PGD: variants seen among roughly 807,000 people sequenced by gnomAD.
PGD encodes 6-phosphogluconate dehydrogenase, decarboxylating.
Under a neutral mutation model 60.4 loss-of-function variants are expected in PGD, and 21 were observed. The observed-to-expected ratio is 0.35, with a 90% CI of 0.25 to 0.50. The LOEUF (loss-of-function observed/expected upper bound fraction) is 0.50. PGD is among the 20% of genes least tolerant of loss of function. PGD has a pLI of 0.98. For synonymous variants in PGD, 230 were observed against 235.9 expected, an observed-to-expected ratio of 0.97 and a Z score of 0.23; for missense variants, 477 against 613.1, an observed-to-expected ratio of 0.78 and a Z score of 2.34.
chr1:10,418,992 T>C, intron 11 of PGD, 67 bp downstream of exon 11: 1 of 932,566 alleles, frequency 1.1e-6, no homozygotes. Flanking sequence ...TGATGTTTGG[T>C]TTTTTGTTTT....
intron 8 of PGD, among the ~76,000 whole-genome samples, chr1:10,413,476 A>G (rs1467845534): frequency 6.6e-6 from 1 of 152,240 alleles, no homozygotes; most frequent in Non-Finnish European, 1.5e-5. Context: ...ACTGTGAGGT[A>G]AATTCAGAAG....
chr1:10,419,380 C>A (rs1639650152), intron 11 of PGD, 37 bp from the exon 12 acceptor site: 3 of 1,599,086 alleles, frequency 1.9e-6, no homozygotes, highest in Non-Finnish European at 2.6e-6. Context: ...TCACCAGGGG[C>A]AGATCACTAA....
intron 3 of PGD, among the ~76,000 whole-genome samples, chr1:10,401,022 T>C (rs977826446): frequency 2.6e-5 from 4 of 152,194 alleles, no homozygotes; most frequent in Non-Finnish European, 5.9e-5. Context: ...CTGGCCAACA[T>C]GGTGAAACCC....
chr1:10,412,914 T>C, intron 7 of PGD, 148 bp from the exon 8 acceptor site: 2 of 630,186 alleles, frequency 3.2e-6, no homozygotes, highest in Non-Finnish European at 5.6e-6. Context: ...AGCATAAAAC[T>C]CAACCAGCAG....
chr1:10,411,424 G>A lies in PGD; in HGVS notation c.526G>A (p.Asp176Asn), dbSNP rs753095136. ...TGEPCCDWVG[D>N]EGAGHFVKMV... ...GTGCTTGTTGTCCTGACAGGTGGGA[G>A]ATGAGGGAGCAGGCCACTTCGTGAA... is the stretch of plus-strand genomic sequence containing the variant. The change falls in exon 7 of 13, where the codon GAT (aspartate) becomes AAT (asparagine). Residue 176 changes from aspartate to asparagine, a missense_variant. By Grantham distance (23) the Asp-to-Asn change is conservative. Coordinates refer to ENST00000270776, the MANE Select transcript of PGD (RefSeq NM_002631.4). 1 of 1,613,392 alleles carries A rather than the reference G, an allele frequency of 6.2e-7. No homozygotes were observed. The highest frequency in any genetic ancestry group is 8.5e-7 in the Non-Finnish European group (1 of 1,179,990).
chr1:10,403,041 G>A (rs1021715473), intron 3 of PGD, 30 bp from the exon 4 acceptor site: 54 of 1,436,248 alleles, frequency 3.8e-5, no homozygotes, highest in Non-Finnish European at 4.8e-5. Flanking sequence ...TTCATTTTTG[G>A]TCCATCTTAA....
chr1:10,418,395 G>A (rs1360173421), intron 10 of PGD, among the ~76,000 whole-genome samples: 1 of 152,184 alleles, frequency 6.6e-6, no homozygotes, highest in South Asian at 2.1e-4. Context: ...ACAGGAAAAG[G>A]GTTAACAGCT....
At position 10,411,524 on chromosome 1, in the gene PGD, T is replaced by G. The variant is rs1192044285; in HGVS notation, c.626T>G (p.Leu209Arg). 1 of 1,614,008 alleles carries G rather than the reference T, an allele frequency of 6.2e-7. No individual in the cohort carries two copies. The highest frequency in any genetic ancestry group is 1.3e-5 in the African/African-American group (1 of 74,904). ...GCATACCACCTGATGAAAGACGTGC[T>G]GGGCATGGCGCAGGACGAGATGGCC... ...CEAYHLMKDV[L>R]GMAQDEMAQA... Residue 209 changes from leucine (L) to arginine (R), a missense_variant, in exon 7 of 13, where the codon CTG (leucine) becomes CGG (arginine). Physicochemically the swap from Leu to Arg is moderately radical, Grantham distance 102 (BLOSUM62 -2). Coordinates refer to ENST00000270776, the MANE Select transcript of PGD (RefSeq NM_002631.4).
chr1:10,405,062 C>T (rs1639377431), intron 5 of PGD, among the ~76,000 whole-genome samples: 1 of 152,092 alleles, frequency 6.6e-6, no homozygotes, highest in African/African-American at 2.4e-5. Context: ...AAAAGTAAAA[C>T]AAACATTTTT....
intron 10 of PGD, among the ~76,000 whole-genome samples, chr1:10,418,322 C>T (rs933992390): frequency 6.6e-6 from 1 of 152,070 alleles, no homozygotes; most frequent in Non-Finnish European, 1.5e-5. Context: ...TTTCTTCAGC[C>T]TCAAAAAGCG....
At chr1:10,408,017 G>A in intron 5 of PGD, 54 bp from the exon 6 acceptor site, 1 of 1,013,712 alleles carries the variant, frequency 9.9e-7, no homozygotes. Context: ...CTATGGGTAT[G>A]GGCTCTCAGC....
Position 10,420,361 on chromosome 1 carries a change from G to A in PGD, c.*612G>A, listed in dbSNP as rs1639672740. On this transcript the variant is annotated 3_prime_UTR_variant, in exon 13 of 13. Coordinates refer to ENST00000270776, the MANE Select transcript of PGD (RefSeq NM_002631.4). ...CCAATTGGGCAATGGGTACATGGAC[G>A]TTCACTGTAACGTGCTTTTTCTTTC... Among the ~76,000 whole-genome samples the A allele has an allele frequency of 6.8e-6, 1 of 146,986 alleles. No individual in the cohort carries two copies. Among genetic ancestry groups the A allele is most frequent in the Non-Finnish European group, 1.5e-5 (1 of 67,186 alleles).
chr1:10,399,725 GT>G, intron 2 of PGD, 21 bp downstream of exon 2: 2 of 1,610,124 alleles, frequency 1.2e-6, no homozygotes, highest in Non-Finnish European at 1.7e-6. Flanking sequence ...TGGGCGCGTT[GT>G]CTTCTCTCTG....
chr1:10,402,793 G>A (rs1639337263), intron 3 of PGD, among the ~76,000 whole-genome samples: 1 of 152,078 alleles, frequency 6.6e-6, no homozygotes, highest in Non-Finnish European at 1.5e-5. Flanking sequence ...AAAGTGCTGG[G>A]ATAACAGGCG....
chr1:10,400,290 C>T, intron 2 of PGD, 103 bp from the exon 3 acceptor site: 6 of 848,692 alleles, frequency 7.1e-6, no homozygotes, highest in Non-Finnish European at 1.1e-5. Context: ...CAGGTCTGAC[C>T]TCCCCAGAAC....
At chr1:10,413,326 G>A in intron 8 of PGD, 75 bp downstream of exon 8, 1 of 1,307,016 alleles carries the variant, frequency 7.7e-7, no homozygotes, top group Non-Finnish European at 1.1e-6. Flanking sequence ...GATACAGACT[G>A]GTCTTTAGAG....
chr1:10,402,819 G>A (rs931256375), intron 3 of PGD, among the ~76,000 whole-genome samples: 2 of 151,850 alleles, frequency 1.3e-5, no homozygotes, highest in African/African-American at 4.8e-5. Context: ...CACCGCGCCT[G>A]GCCTACAAAA....
intron 6 of PGD, among the ~76,000 whole-genome samples, chr1:10,411,028 C>T (rs1639490266): frequency 6.6e-6 from 1 of 151,188 alleles, no homozygotes; most frequent in Admixed American, 6.6e-5. Flanking sequence ...ATTTTAACCT[C>T]TAGTTGCTAG....
chr1:10,420,030 C>G lies in PGD; in HGVS notation c.*281C>G. On this transcript the variant is annotated 3_prime_UTR_variant, in exon 13 of 13. Coordinates refer to ENST00000270776, the MANE Select transcript of PGD (RefSeq NM_002631.4). ...CTTCCGCGTGCCCCGTGTGCTGGTG[C>G]GGTTCCCATCACGCAGACAGGAAGG... is the stretch of plus-strand genomic sequence containing the variant. The G allele has an allele frequency of 2.4e-6, 1 of 411,030 alleles. No homozygotes were observed. The highest frequency in any genetic ancestry group is 4.5e-6 in the Non-Finnish European group (1 of 221,368). The allele number at this position is 411,030 out of a possible 1,614,324, so 25.5% of individuals were successfully genotyped here. A position where few individuals can be genotyped will look rare whatever the true frequency, so the allele number is the denominator to read the frequency against.
Sources: allele counts gnomAD v4.1 joint callset (sites outside exome capture counted in the v4.1 genomes callset), GRCh38; gene constraint gnomAD v4.1.1; transcripts MANE v1.5; gene names NCBI Gene and HGNC (gene_info 2026-07-23, HGNC 2026-07-21).